Variants in MYRIP observed in about 807,000 individuals in gnomAD.
MYRIP encodes myosin VIIA and Rab interacting protein, also known as rab effector MyRIP.
MYRIP carries 49 observed loss-of-function variants against 98.0 expected under a neutral mutation model. The observed-to-expected ratio is 0.50, with a 90% CI of 0.40 to 0.63. MYRIP has a LOEUF of 0.63. Among genes scored for constraint, MYRIP ranks in the 30% least tolerant of loss-of-function variants. The pLI is 0.00. For missense variants in MYRIP, 1,004 were observed against 1,058.2 expected, an observed-to-expected ratio of 0.95 and a Z score of 0.71; for synonymous variants, 404 against 409.5, an observed-to-expected ratio of 0.99 and a Z score of 0.16.
intron 1 of MYRIP, among the ~76,000 whole-genome samples, chr3:39,823,986 G>T (rs1227575299): frequency 6.6e-6 from 1 of 151,892 alleles, no homozygotes; most frequent in Non-Finnish European, 1.5e-5. Context: ...TTGTAGTTTT[G>T]TCTCTTACAT....
At chr3:40,082,548 T>C (rs1370125473) in intron 3 of MYRIP, among the ~76,000 whole-genome samples, 1 of 152,214 alleles carries the variant, frequency 6.6e-6, no homozygotes, top group Non-Finnish European at 1.5e-5. Context: ...GGGCCAGAAA[T>C]CAACAAATCA....
chr3:39,902,385 G>A (rs1341713238), intron 2 of MYRIP, among the ~76,000 whole-genome samples: 2 of 152,210 alleles, frequency 1.3e-5, no homozygotes, highest in Admixed American at 6.5e-5. Context: ...CCAACTTGAA[G>A]TTTGTGGTCA....
chr3:39,834,082 A>G (rs1009188369), intron 1 of MYRIP, among the ~76,000 whole-genome samples: 13 of 152,306 alleles, frequency 8.5e-5, no homozygotes, highest in Admixed American at 8.5e-4. Flanking sequence ...TCCAGTTTGA[A>G]GTAAATACCC....
At chr3:39,846,612 C>T (rs986397760) in intron 1 of MYRIP, among the ~76,000 whole-genome samples, 1 of 152,156 alleles carries the variant, frequency 6.6e-6, no homozygotes, top group South Asian at 2.1e-4. Flanking sequence ...TATAGCAAAA[C>T]AAAAACTGTG....
intron 1 of MYRIP, among the ~76,000 whole-genome samples, chr3:39,860,190 T>C (rs922651891): frequency 6.6e-6 from 1 of 152,214 alleles, no homozygotes; most frequent in African/African-American, 2.4e-5. Context: ...TGGTCCTGAA[T>C]GACTCCTGGG....
At chr3:39,861,005 C>T (rs1295901379) in intron 1 of MYRIP, among the ~76,000 whole-genome samples, 11 of 152,258 alleles carry the variant, frequency 7.2e-5, no homozygotes, top group Admixed American at 5.9e-4. Context: ...ATGCGTTCTG[C>T]TGCACTGCTG....
At chr3:39,896,175 G>C (rs894650887) in intron 1 of MYRIP, among the ~76,000 whole-genome samples, 1 of 152,232 alleles carries the variant, frequency 6.6e-6, no homozygotes, top group African/African-American at 2.4e-5. Context: ...AGGCAGGAGA[G>C]AAATAGAACA....
intron 3 of MYRIP, among the ~76,000 whole-genome samples, chr3:40,143,819 A>G (rs1043536120): frequency 6.6e-6 from 1 of 152,170 alleles, no homozygotes; most frequent in African/African-American, 2.4e-5. Context: ...TTTAAGGAAA[A>G]GTTTTCTGCT....
chr3:39,944,364 A>T (rs1944853944), intron 2 of MYRIP, among the ~76,000 whole-genome samples: 1 of 152,200 alleles, frequency 6.6e-6, no homozygotes, highest in African/African-American at 2.4e-5. Context: ...CCATGTTGTT[A>T]TTAAAAAAAG....
intron 3 of MYRIP, among the ~76,000 whole-genome samples, chr3:40,135,035 A>G (rs1949733703): frequency 1.3e-5 from 2 of 152,240 alleles, no homozygotes; most frequent in Non-Finnish European, 2.9e-5. Flanking sequence ...TGGATGGAGA[A>G]TGACTTTGAC....
rs1218310369 is a variant in MYRIP at position 40,044,158 on chromosome 3, C to G, written c.219C>G (p.Phe73Leu). The change falls in exon 3 of 17, where the codon TTC (phenylalanine) becomes TTG (leucine). Residue 73 changes from phenylalanine to leucine, a missense_variant. This residue lies in a region of MYRIP where 880 missense variants were observed against 907.7 expected (regional missense o/e 0.97). Coordinates refer to ENST00000302541, the MANE Select transcript of MYRIP (RefSeq NM_015460.4). ...TGCGCTGCTGCTCGCCCTTCACCTT[C>G]CTCGTCAACACCAAGCGCCAGTGTG... Reference protein sequence around the residue: ...CCMRCCSPFTFLVNTKRQCGD... With the variant: ...CCMRCCSPFTLLVNTKRQCGD... 6.2e-7 allele frequency: 1 copy of G among 1,614,078 alleles called. No homozygotes were observed. The highest frequency in any genetic ancestry group is 8.5e-7 in the Non-Finnish European group (1 of 1,180,030).
At chr3:39,967,884 T>C (rs1226992730) in intron 2 of MYRIP, among the ~76,000 whole-genome samples, 2 of 152,236 alleles carry the variant, frequency 1.3e-5, no homozygotes, top group Admixed American at 1.3e-4. Flanking sequence ...TTATGTCTTC[T>C]TTTGAAAGGT....
intron 11 of MYRIP, among the ~76,000 whole-genome samples, chr3:40,230,954 T>G (rs553688814): frequency 6.6e-6 from 1 of 152,092 alleles, no homozygotes; most frequent in African/African-American, 2.4e-5. Flanking sequence ...GCCTCCCAAG[T>G]AGCTGGGATT....
chr3:39,856,061 T>G (rs80278544), intron 1 of MYRIP, among the ~76,000 whole-genome samples: 3 of 152,178 alleles, frequency 2.0e-5, no homozygotes, highest in Non-Finnish European at 4.4e-5. Flanking sequence ...TTCATTTTAC[T>G]TCTAGGTAAG....
At chr3:40,079,618 C>T (rs1948430876) in intron 3 of MYRIP, among the ~76,000 whole-genome samples, 1 of 152,194 alleles carries the variant, frequency 6.6e-6, no homozygotes, top group African/African-American at 2.4e-5. Context: ...CATGCATTCC[C>T]TAGGTGCATT....
intron 2 of MYRIP, among the ~76,000 whole-genome samples, chr3:40,018,414 A>T (rs911888844): frequency 6.6e-6 from 1 of 152,154 alleles, no homozygotes; most frequent in Non-Finnish European, 1.5e-5. Context: ...CTTTGCTTTC[A>T]GTGAGTGAGA....
intron 11 of MYRIP, among the ~76,000 whole-genome samples, chr3:40,227,800 C>T (rs373911055): frequency 6.6e-6 from 1 of 152,186 alleles, no homozygotes. Context: ...GAGAGGCGCA[C>T]AACTCTGGAC....
intron 13 of MYRIP, among the ~76,000 whole-genome samples, chr3:40,245,797 G>A (rs1464330508): frequency 7.0e-6 from 1 of 142,754 alleles, no homozygotes; most frequent in African/African-American, 2.7e-5. Flanking sequence ...ACCCAGGCTG[G>A]AGTACAGTGG....
At chr3:40,256,383 T>G (rs1953588604) in intron 16 of MYRIP, among the ~76,000 whole-genome samples, 1 of 152,118 alleles carries the variant, frequency 6.6e-6, no homozygotes. Context: ...AGGATACATA[T>G]AAAACTACAC....
Sources: gnomAD v4.1 joint callset for allele counts (sites outside exome capture counted in the v4.1 genomes callset) on GRCh38, gnomAD v4.1.1 for gene constraint, gnomAD v4.1.1 regional missense constraint, MANE v1.5 for transcripts, NCBI Gene and HGNC (gene_info 2026-07-23, HGNC 2026-07-21) for gene names.